The following WASF3 variants were observed in gnomAD, a reference collection of about 807,000 sequenced individuals.
WASF3 encodes actin-binding protein WASF3.
In WASF3, 11 loss-of-function variants were observed where a neutral mutation model predicts 46.6. The observed-to-expected ratio is 0.24, with a 90% CI of 0.15 to 0.39. The LOEUF (loss-of-function observed/expected upper bound fraction) is 0.39. WASF3 is among the 10% of genes least tolerant of loss of function. WASF3 has a pLI of 1.00. For missense variants in WASF3, 576 were observed against 669.8 expected (o/e 0.86, Z 1.55); for synonymous variants, 242 against 259.7 (o/e 0.93, Z 0.65).
chr13:26,628,040 T>C (rs1355781118), intron 2 of WASF3, among the ~76,000 whole-genome samples: 5 of 151,934 alleles, frequency 3.3e-5, no homozygotes, highest in Non-Finnish European at 7.4e-5. Context: ...CAGGGTTTAA[T>C]GCTGCCCGTA....
At chr13:26,569,942 A>G (rs1879584400) in intron 1 of WASF3, among the ~76,000 whole-genome samples, 1 of 152,210 alleles carries the variant, frequency 6.6e-6, no homozygotes, top group Admixed American at 6.5e-5. Flanking sequence ...TTAACTTTAG[A>G]TTAAATGGAC....
At chr13:26,672,880 A>G (rs1385347129) in intron 6 of WASF3, among the ~76,000 whole-genome samples, 1 of 152,188 alleles carries the variant, frequency 6.6e-6, no homozygotes, top group Non-Finnish European at 1.5e-5. Flanking sequence ...ACATGAGAAC[A>G]GTTTGCAGAC....
chr13:26,623,535 A>G (rs1278683497), intron 2 of WASF3, among the ~76,000 whole-genome samples: 1 of 152,248 alleles, frequency 6.6e-6, no homozygotes, highest in African/African-American at 2.4e-5. Context: ...TCTTAGGCTC[A>G]TAATCTTTCA....
chr13:26,616,836 A>G (rs1385265808), intron 2 of WASF3, among the ~76,000 whole-genome samples: 1 of 152,150 alleles, frequency 6.6e-6, no homozygotes, highest in East Asian at 1.9e-4. Flanking sequence ...TCCAATTGTC[A>G]TCAGTATTGA....
At chr13:26,635,065 A>T (rs1215142724) in intron 2 of WASF3, among the ~76,000 whole-genome samples, 1 of 152,168 alleles carries the variant, frequency 6.6e-6, no homozygotes, top group East Asian at 1.9e-4. Context: ...TCTCCTGGAT[A>T]ATATCCTGAA....
intron 1 of WASF3, among the ~76,000 whole-genome samples, chr13:26,559,108 G>A (rs374861928): frequency 4.6e-5 from 7 of 152,278 alleles, no homozygotes; most frequent in African/African-American, 1.7e-4. Flanking sequence ...TTAAACAAAC[G>A]AAAGCTGGGT....
chr13:26,666,938 A>G (rs1021848662), intron 4 of WASF3, among the ~76,000 whole-genome samples: 1 of 152,014 alleles, frequency 6.6e-6, no homozygotes, highest in East Asian at 1.9e-4. Flanking sequence ...AGCACAAGAA[A>G]GAACTTTACC....
chr13:26,572,579 T>C (rs1879671537), intron 1 of WASF3, among the ~76,000 whole-genome samples: 1 of 152,106 alleles, frequency 6.6e-6, no homozygotes, highest in Non-Finnish European at 1.5e-5. Flanking sequence ...ATAAACTCCT[T>C]TTTTGAGGTG....
chr13:26,642,481 C>G, intron 3 of WASF3, 78 bp downstream of exon 3: 1 of 1,458,970 alleles, frequency 6.9e-7, no homozygotes, highest in African/African-American at 1.4e-5. Context: ...AATGATTGTC[C>G]AAAGAAGAGA....
intron 1 of WASF3, among the ~76,000 whole-genome samples, chr13:26,606,082 A>G (rs949384527): frequency 6.6e-6 from 1 of 152,176 alleles, no homozygotes; most frequent in Non-Finnish European, 1.5e-5. Context: ...GTGCAGTAAC[A>G]GTACTTGGTG....
At chr13:26,553,820 A>G (rs1328909251), upstream of WASF3, among the ~76,000 whole-genome samples, 2 of 151,732 alleles carry the variant, frequency 1.3e-5, no homozygotes, top group Non-Finnish European at 2.9e-5. Context: ...CCATCTCAAA[A>G]AAAAAAAAAA....
chr13:26,637,785 A>G (rs1378668347), intron 2 of WASF3, among the ~76,000 whole-genome samples: 1 of 152,066 alleles, frequency 6.6e-6, no homozygotes, highest in African/African-American at 2.4e-5. Flanking sequence ...GCCAGGGACT[A>G]CCCTCCTATC....
At chr13:26,600,849 CCT>C (rs1880621074) in intron 1 of WASF3, among the ~76,000 whole-genome samples, 1 of 152,192 alleles carries the variant, frequency 6.6e-6, no homozygotes, top group Non-Finnish European at 1.5e-5. Context: ...CCTCTCTCCA[CCT>C]CTCCACTTCT....
At chr13:26,575,452 C>T (rs546118992) in intron 1 of WASF3, among the ~76,000 whole-genome samples, 7 of 152,256 alleles carry the variant, frequency 4.6e-5, no homozygotes, top group South Asian at 4.2e-4. Flanking sequence ...AGCTCAAGCC[C>T]GGATGTTCCA....
At chr13:26,676,972 T>C (rs1210246367) in intron 7 of WASF3, among the ~76,000 whole-genome samples, 1 of 152,248 alleles carries the variant, frequency 6.6e-6, no homozygotes, top group East Asian at 1.9e-4. Context: ...TGAGTTCATC[T>C]AGATGTAGTG....
At chr13:26,600,149 G>T (rs563028932) in intron 1 of WASF3, among the ~76,000 whole-genome samples, 26 of 152,314 alleles carry the variant, frequency 1.7e-4, no homozygotes, top group Middle Eastern at 3.4e-3. Context: ...ACCTTTAATG[G>T]TAGAGTGGGC....
chr13:26,550,012 T>C, the WASF3 span, among the ~76,000 whole-genome samples: 1 of 152,180 alleles, frequency 6.6e-6, no homozygotes, highest in Admixed American at 6.5e-5. Flanking sequence ...AAGAGAGTGT[T>C]GTACATTTCT....
At chr13:26,624,603 A>C (rs1321725554) in intron 2 of WASF3, among the ~76,000 whole-genome samples, 3 of 152,164 alleles carry the variant, frequency 2.0e-5, no homozygotes, top group African/African-American at 7.2e-5. Flanking sequence ...CTAATAAGAC[A>C]AACAGATCCA....
At chr13:26,583,476 G>A (rs1426603151) in intron 1 of WASF3, among the ~76,000 whole-genome samples, 1 of 152,156 alleles carries the variant, frequency 6.6e-6, no homozygotes, top group East Asian at 1.9e-4. Context: ...AATTAGAGTA[G>A]GCAGAAGTGG....
Sources: gnomAD v4.1 joint callset for allele counts (sites outside exome capture counted in the v4.1 genomes callset) on GRCh38, gnomAD v4.1.1 for gene constraint, MANE v1.5 for transcripts, NCBI Gene and HGNC (gene_info 2026-07-23, HGNC 2026-07-21) for gene names.